The following PARD3B variants were observed in gnomAD, a reference collection of about 807,000 sequenced individuals.
The protein encoded by PARD3B is par-3 family cell polarity regulator beta, also known as partitioning defective 3 homolog B.
In PARD3B, 103 loss-of-function variants were observed where a neutral mutation model predicts 130.2. The observed-to-expected ratio is 0.79, with a 90% CI of 0.67 to 0.93. The LOEUF (loss-of-function observed/expected upper bound fraction) is 0.93. Ranked by LOEUF, PARD3B falls within the 40% of genes least tolerant of loss-of-function variation. The pLI, the probability that PARD3B is intolerant of heterozygous loss-of-function variation, is 0.00. For synonymous variants in PARD3B, 583 were observed against 553.2 expected (o/e 1.05, Z -0.76); for missense variants, 1,609 against 1,499.2 (o/e 1.07, Z -1.21).
intron 2 of PARD3B, among the ~76,000 whole-genome samples, chr2:204,827,623 T>C (rs1418784819): frequency 6.6e-6 from 1 of 152,136 alleles, no homozygotes; most frequent in Non-Finnish European, 1.5e-5. Flanking sequence ...GGAAGAACAG[T>C]GGTAGGTATT....
chr2:205,494,049 C>G (rs968884062), intron 20 of PARD3B, among the ~76,000 whole-genome samples: 3 of 152,064 alleles, frequency 2.0e-5, no homozygotes, highest in African/African-American at 7.2e-5. Flanking sequence ...CGTGAGCCAC[C>G]TCACCTGACC....
chr2:204,842,332 A>C (rs987024364), intron 2 of PARD3B, among the ~76,000 whole-genome samples: 3 of 152,194 alleles, frequency 2.0e-5, no homozygotes, highest in African/African-American at 7.2e-5. Context: ...TGGGAAAAAG[A>C]AAAATGATTG....
Position 205,489,560 on chromosome 2 carries a change from A to ATATATACG in PARD3B, c.3045-10330_3045-10329insCGTATATA, listed in dbSNP as rs1300267145. ...ATGGCATATATATGTATATATATAC[A>ATATATACG]TATATATACACACACACACATATAT... On this transcript the variant is annotated intron_variant, in intron 20 of 22. Coordinates refer to ENST00000406610, the MANE Select transcript of PARD3B (RefSeq NM_001302769.2). 7.9e-4 allele frequency among the ~76,000 whole-genome samples: 92 copies of ATATATACG among 116,224 alleles called. 3 individuals are homozygous for ATATATACG. The highest frequency in any genetic ancestry group is 7.8e-3 in the East Asian group (33 of 4,226). 76.2% of individuals were successfully genotyped at this position (116,224 alleles called of 152,430 possible). A position where few individuals can be genotyped will look rare whatever the true frequency, so the allele number is the denominator to read the frequency against.
chr2:205,492,979 CAA>C (rs2049779024), intron 20 of PARD3B, among the ~76,000 whole-genome samples: 1 of 152,142 alleles, frequency 6.6e-6, no homozygotes, highest in East Asian at 1.9e-4. Flanking sequence ...AAGAGTCTCT[CAA>C]AGTTTTATTT....
intron 2 of PARD3B, among the ~76,000 whole-genome samples, chr2:204,924,582 A>G (rs1324924969): frequency 6.6e-6 from 1 of 152,082 alleles, no homozygotes; most frequent in Non-Finnish European, 1.5e-5. Context: ...TCCCTCTCAA[A>G]TATCTTCTGA....
At position 205,187,162 on chromosome 2, in the gene PARD3B, G is replaced by A. The variant is rs75576134; in HGVS notation, c.2024+1299G>A. ...TAAAGGAATCAGGGAAAATACTATG[G>A]TAAAAGTGTCATTTGAGCTGAACCC... On this transcript the variant is annotated intron_variant, in intron 14 of 22. Coordinates refer to ENST00000406610, the MANE Select transcript of PARD3B (RefSeq NM_001302769.2). This position sits in a 1 kb window ranked among gnomAD's most constrained non-coding sequence, Gnocchi z 4.9. 7.3e-3 allele frequency among the ~76,000 whole-genome samples: 1,117 copies of A among 152,284 alleles called. 17 individuals are homozygous for A. Among genetic ancestry groups the A allele is most frequent in the African/African-American group, 0.026 (1,072 of 41,568 alleles).
intron 2 of PARD3B, among the ~76,000 whole-genome samples, chr2:204,868,811 G>T (rs1318097702): frequency 6.6e-6 from 1 of 152,182 alleles, no homozygotes; most frequent in Non-Finnish European, 1.5e-5. Flanking sequence ...AGTGGGACTA[G>T]TTAAGTTGAG....
At chr2:205,217,808 GTATATATGTATA>G (rs1192732069) in intron 15 of PARD3B, among the ~76,000 whole-genome samples, 1 of 56,596 alleles carries the variant, frequency 1.8e-5, no homozygotes, top group Non-Finnish European at 3.2e-5. Flanking sequence ...ATATATGTGT[GTATATATGTATA>G]TGTGTGTGTA....
intron 18 of PARD3B, among the ~76,000 whole-genome samples, chr2:205,333,774 G>A (rs965045461): frequency 6.6e-6 from 1 of 152,010 alleles, no homozygotes; most frequent in African/African-American, 2.4e-5. Context: ...GCATTAACTA[G>A]AAGGGCCACT....
At chr2:205,185,290 C>A (rs1352686640) in intron 13 of PARD3B, among the ~76,000 whole-genome samples, 1 of 151,928 alleles carries the variant, frequency 6.6e-6, no homozygotes, top group East Asian at 1.9e-4. Flanking sequence ...GTGTTTATCT[C>A]CACTATGTCT....
rs3048088 is a variant in PARD3B, at chr2:205,302,065, C to CTTTTTTTTTTTT, written c.2630+376_2630+387dup. 7.6e-4 allele frequency among the ~76,000 whole-genome samples: 59 copies of CTTTTTTTTTTTT among 77,774 alleles called. 2 individuals are homozygous for CTTTTTTTTTTTT. The highest frequency in any genetic ancestry group is 2.0e-3 in the East Asian group (5 of 2,536). The allele number at this position is 77,774 out of a possible 152,430, so 51.0% of individuals were successfully genotyped here. ...CTATTCTTTTTTTCTTTTTTCTTTTCTTTTTTTTTTTTTTTTTTTTTTTGA... is the reference window on the plus strand; with the variant it reads ...CTATTCTTTTTTTCTTTTTTCTTTTCTTTTTTTTTTTTTTTTTTTTTTTTTTTTTTTTTTTGA... On this transcript the variant is annotated intron_variant, in intron 18 of 22. Coordinates refer to ENST00000406610, the MANE Select transcript of PARD3B (RefSeq NM_001302769.2).
In PARD3B at chr2:205,460,993, T is replaced by C. The variant is rs1268682318; in HGVS notation, c.3044+20321T>C. Among the ~76,000 whole-genome samples, 1 of 152,234 alleles carries C rather than the reference T, an allele frequency of 6.6e-6. No individual in the cohort carries two copies. The highest frequency in any genetic ancestry group is 1.5e-5 in the Non-Finnish European group (1 of 68,040). Reference sequence around the variant, plus strand: ...GAAACAAGGTTCTTTAACAGTCATTTGATTTCCATAACATTCATTAAATTA... The same window carrying C: ...GAAACAAGGTTCTTTAACAGTCATTCGATTTCCATAACATTCATTAAATTA... On this transcript the variant is annotated intron_variant, in intron 20 of 22. Coordinates refer to ENST00000406610, the MANE Select transcript of PARD3B (RefSeq NM_001302769.2). This position sits in a 1 kb window ranked among gnomAD's most constrained non-coding sequence, Gnocchi z 4.9.
chr2:205,212,152 A>G (rs2037675452), intron 15 of PARD3B, among the ~76,000 whole-genome samples: 5 of 151,938 alleles, frequency 3.3e-5, no homozygotes, highest in Admixed American at 3.3e-4. Context: ...CTTATCAAAG[A>G]TTGAAGAATA....
intron 3 of PARD3B, among the ~76,000 whole-genome samples, chr2:205,010,355 A>G (rs1456446205): frequency 2.0e-5 from 3 of 152,094 alleles, no homozygotes; most frequent in Admixed American, 6.5e-5. Context: ...TCCTCTTTCA[A>G]TCTGTGTTAT....
chr2:204,645,140 C>A (rs1468857357), intron 1 of PARD3B, among the ~76,000 whole-genome samples: 1 of 152,068 alleles, frequency 6.6e-6, no homozygotes, highest in East Asian at 1.9e-4. Context: ...TTGACAGTCA[C>A]CCATATCCTG....
At chr2:204,837,422 C>CTTT (rs201988854) in intron 2 of PARD3B, among the ~76,000 whole-genome samples, 1 of 140,116 alleles carries the variant, frequency 7.1e-6, no homozygotes, top group African/African-American at 2.6e-5. Context: ...ATAAAAATTA[C>CTTT]TTTTTTTTTT....
At chr2:205,518,953 GCC>G (rs2050910374) in intron 21 of PARD3B, among the ~76,000 whole-genome samples, 2 of 152,186 alleles carry the variant, frequency 1.3e-5, no homozygotes, top group Admixed American at 1.3e-4. Flanking sequence ...CGAGAGGTCT[GCC>G]ATTAGCCTCG....
At chr2:205,565,136 C>T (rs1302081215) in intron 22 of PARD3B, among the ~76,000 whole-genome samples, 2 of 152,180 alleles carry the variant, frequency 1.3e-5, no homozygotes, top group Non-Finnish European at 2.9e-5. Flanking sequence ...TAACTGCTTA[C>T]ATGTGGCTGA....
rs996123875 is a variant in PARD3B, at chr2:204,665,290, C to T, written c.121-20891C>T. On this transcript the variant is annotated intron_variant, in intron 1 of 22. Transcript: ENST00000406610. The stretch of plus-strand genomic sequence containing the variant: ...ACCATATTATAGGTGGGGTCTCTGC[C>T]TGGGAATGACCCACCCTCAAGCTGT... Among the ~76,000 whole-genome samples, 10 of 152,034 alleles carry T rather than the reference C, an allele frequency of 6.6e-5. No individual in the cohort carries two copies. In the East Asian group the frequency reaches 1.9e-3, roughly 29 times the overall value.
Sources: allele counts gnomAD v4.1 joint callset (sites outside exome capture counted in the v4.1 genomes callset), GRCh38; gene constraint gnomAD v4.1.1; non-coding constraint Gnocchi (gnomAD v3.1); transcripts MANE v1.5; gene names NCBI Gene and HGNC (gene_info 2026-07-23, HGNC 2026-07-21).